ME3: variants seen among roughly 807,000 people sequenced by gnomAD.
ME3 encodes the protein malic enzyme 3.
In ME3, 48 loss-of-function variants were observed where a neutral mutation model predicts 68.9. The observed-to-expected ratio is 0.70, with a 90% CI of 0.55 to 0.89. The LOEUF (loss-of-function observed/expected upper bound fraction) is 0.89, where lower values mean the gene tolerates loss of function less well. Among genes scored for constraint, ME3 ranks in the 40% least tolerant of loss-of-function variants. ME3 has a pLI of 0.00. For synonymous variants in ME3, 320 were observed against 318.8 expected, an observed-to-expected ratio of 1.00 and a Z score of -0.04; for missense variants, 675 against 797.4, an observed-to-expected ratio of 0.85 and a Z score of 1.85.
chr11:86,668,098 A>G (rs1946691939), intron 2 of ME3: 1 of 152,100 alleles, frequency 6.6e-6, no homozygotes, highest in Non-Finnish European at 1.5e-5. Flanking sequence ...CACCATCAGG[A>G]ATATGCCTAA....
intron 2 of ME3, among the ~76,000 whole-genome samples, chr11:86,621,705 A>G (rs1329810444): frequency 6.6e-6 from 1 of 152,028 alleles, no homozygotes; most frequent in Non-Finnish European, 1.5e-5. Context: ...TAACTTCAGC[A>G]TAATTTGATA....
At chr11:86,447,033 T>C in intron 12 of ME3, 32 bp downstream of exon 12, 1 of 1,609,422 alleles carries the variant, frequency 6.2e-7, no homozygotes, top group Non-Finnish European at 8.5e-7. Context: ...CTATGTCCTC[T>C]CAGCCGGGGG....
intron 5 of ME3, among the ~76,000 whole-genome samples, 197 bp downstream of exon 5, chr11:86,508,595 A>G (rs1301391327): frequency 6.6e-6 from 1 of 152,190 alleles, no homozygotes; most frequent in African/African-American, 2.4e-5. Flanking sequence ...GCAATGTCAC[A>G]TGGATGCCTG....
At position 86,579,033 on chromosome 11, in the gene ME3, A is replaced by T. The variant is rs1027115838; in HGVS notation, c.184-19210T>A. Among the ~76,000 whole-genome samples, 213 of 152,150 alleles carry T rather than the reference A, an allele frequency of 1.4e-3. 1 individual carries two copies. Among genetic ancestry groups the T allele is most frequent in the Non-Finnish European group, 2.4e-3 (166 of 68,024 alleles). On this transcript the variant is annotated intron_variant, in intron 2 of 14. Transcript: ENST00000543262. ...TTCTATTTCACCTTGTTGGCTCATTAATTCATTCATATTAAATGAATTATT... is the reference window on the plus strand; with the variant it reads ...TTCTATTTCACCTTGTTGGCTCATTTATTCATTCATATTAAATGAATTATT...
chr11:86,476,157 A>T (rs2138835833), intron 7 of ME3, among the ~76,000 whole-genome samples: 1 of 152,308 alleles, frequency 6.6e-6, no homozygotes, highest in East Asian at 1.9e-4. Flanking sequence ...TTTTGGCAGG[A>T]CGCTCAGTTC....
chr11:86,558,617 G>A (rs1957048003), intron 3 of ME3, among the ~76,000 whole-genome samples: 1 of 152,108 alleles, frequency 6.6e-6, no homozygotes. Context: ...CCGAAGTCTT[G>A]GCCAGTTTGT....
intron 5 of ME3, among the ~76,000 whole-genome samples, chr11:86,499,283 G>A (rs1437709932): frequency 6.6e-6 from 1 of 152,200 alleles, no homozygotes; most frequent in Non-Finnish European, 1.5e-5. Context: ...GAGTCAGACT[G>A]TGAAAGACCT....
intron 2 of ME3, among the ~76,000 whole-genome samples, chr11:86,649,039 T>C (rs1162906825): frequency 6.6e-6 from 1 of 152,204 alleles, no homozygotes; most frequent in African/African-American, 2.4e-5. Context: ...CCAATATCTC[T>C]GATGAACATC....
chr11:86,574,397 C>CGGGG (rs376489722), intron 2 of ME3, among the ~76,000 whole-genome samples: 3 of 58,068 alleles, frequency 5.2e-5, no homozygotes, highest in African/African-American at 1.0e-4. Context: ...TATTTGTTGC[C>CGGGG]GGGGGGGGGG....
At chr11:86,538,155 G>C (rs1325596763) in intron 4 of ME3, among the ~76,000 whole-genome samples, 1 of 152,156 alleles carries the variant, frequency 6.6e-6, no homozygotes, top group African/African-American at 2.4e-5. Context: ...TGGTTGTTTG[G>C]GGAGAGGGAG....
At chr11:86,643,559 A>G (rs989846746) in intron 2 of ME3, among the ~76,000 whole-genome samples, 8 of 152,200 alleles carry the variant, frequency 5.3e-5, no homozygotes, top group African/African-American at 1.4e-4. Flanking sequence ...GATGCAACAC[A>G]TTATTTATAT....
intron 8 of ME3, among the ~76,000 whole-genome samples, chr11:86,460,896 G>A (rs924883620): frequency 6.6e-6 from 1 of 152,212 alleles, no homozygotes; most frequent in African/African-American, 2.4e-5. Flanking sequence ...TCTTCTCATT[G>A]TCTGCTTAAC....
intron 13 of ME3, 46 bp from the exon 14 acceptor site, chr11:86,442,965 T>C: frequency 2.0e-6 from 3 of 1,515,398 alleles, no homozygotes; most frequent in Non-Finnish European, 2.7e-6. Flanking sequence ...AGTCTCTGCC[T>C]TCCCAAAACA....
At chr11:86,617,056 T>TTTTTG (rs1943020015) in intron 2 of ME3, among the ~76,000 whole-genome samples, 1 of 133,672 alleles carries the variant, frequency 7.5e-6, no homozygotes, top group Non-Finnish European at 1.6e-5. Context: ...TTTTTTTTTT[T>TTTTTG]TTTTTTTTTT....
At chr11:86,567,271 GAA>G (rs1957541081) in intron 2 of ME3, among the ~76,000 whole-genome samples, 1 of 150,286 alleles carries the variant, frequency 6.7e-6, no homozygotes, top group Non-Finnish European at 1.5e-5. Flanking sequence ...AGGAAGGAAG[GAA>G]GGAAGGGAGG....
chr11:86,637,349 C>CAA (rs11402713), intron 2 of ME3, among the ~76,000 whole-genome samples: 43,473 of 121,370 alleles, frequency 0.36, 8,310 homozygotes, highest in Non-Finnish European at 0.45. Flanking sequence ...ACAAGAAGCA[C>CAA]AAAAAAAAAA....
intron 2 of ME3, among the ~76,000 whole-genome samples, chr11:86,575,774 T>C (rs192936213): frequency 2.6e-5 from 4 of 152,368 alleles, no homozygotes; most frequent in East Asian, 1.9e-4. Flanking sequence ...CTTGGTCTTA[T>C]TCATTTTTGC....
chr11:86,443,530 C>T (rs1416849530), intron 13 of ME3, among the ~76,000 whole-genome samples: 1 of 152,260 alleles, frequency 6.6e-6, no homozygotes, highest in East Asian at 1.9e-4. Flanking sequence ...TCATCTGCCA[C>T]AGGGCCTGAT....
At chr11:86,602,525 C>A (rs1220602899) in intron 2 of ME3, among the ~76,000 whole-genome samples, 5 of 152,022 alleles carry the variant, frequency 3.3e-5, no homozygotes, top group Admixed American at 3.3e-4. Context: ...AATGGCCATA[C>A]TGCCCAAGGT....
Sources: allele counts gnomAD v4.1 joint callset (sites outside exome capture counted in the v4.1 genomes callset), GRCh38; gene constraint gnomAD v4.1.1; transcripts MANE v1.5; gene names NCBI Gene and HGNC (gene_info 2026-07-23, HGNC 2026-07-21).